The following FCRL5 variants were observed in gnomAD, a reference collection of about 807,000 sequenced individuals.
The protein encoded by FCRL5 is Fc receptor like 5, also known as Fc receptor-like protein 5.
In FCRL5, 79 loss-of-function variants were observed where a neutral mutation model predicts 92.1. The observed-to-expected ratio is 0.86, with a 90% CI of 0.72 to 1.03. The LOEUF (loss-of-function observed/expected upper bound fraction) is 1.03, where lower values mean the gene tolerates loss of function less well. Ranked by LOEUF, FCRL5 falls within the 50% of genes least tolerant of loss-of-function variation. The pLI is 0.00. For synonymous variants in FCRL5, 466 were observed against 469.3 expected (o/e 0.99, Z 0.09); for missense variants, 1,160 against 1,181.1 (o/e 0.98, Z 0.26).
chr1:157,515,420 A>G lies in FCRL5; in HGVS notation c.*255T>C, dbSNP rs1649874302. On this transcript the variant is annotated 3_prime_UTR_variant, in exon 17 of 17. Transcript: ENST00000361835. ...GCTGAAGCCCACTAAGGAATCCAGGAGATGTGCTGGGCCCTGGAGTGGGAG... is the reference window on the plus strand; with the variant it reads ...GCTGAAGCCCACTAAGGAATCCAGGGGATGTGCTGGGCCCTGGAGTGGGAG... The G allele has an allele frequency of 1.7e-6, 1 of 582,910 alleles. No homozygotes were observed. Among genetic ancestry groups the G allele is most frequent in the South Asian group, 2.0e-5 (1 of 50,136 alleles). 36.1% of individuals were successfully genotyped at this position (582,910 alleles called of 1,614,324 possible). A position where few individuals can be genotyped will look rare whatever the true frequency, so the allele number is the denominator to read the frequency against.
chr1:157,547,394 C>G, intron 2 of FCRL5, 197 bp from the exon 3 acceptor site: 2 of 770,460 alleles, frequency 2.6e-6, no homozygotes, highest in South Asian at 2.8e-5. Context: ...CAGGGGATGG[C>G]AATGAGCAAA....
In FCRL5 at chr1:157,521,290, G is replaced by A. The variant is rs778589860; in HGVS notation, c.2242C>T (p.Pro748Ser). The A allele has an allele frequency of 6.3e-7, 1 of 1,597,090 alleles. No homozygotes were observed. The highest frequency in any genetic ancestry group is 8.5e-7 in the Non-Finnish European group (1 of 1,173,436). The change falls in exon 11 of 17, where the codon CCG (proline) becomes TCG (serine). Residue 748 changes from proline to serine, a missense_variant and splice_region_variant. Pro to Ser is a moderately conservative substitution (Grantham distance 74, BLOSUM62 -1). Transcript: ENST00000361835. ...SEMVTLKVAV[P>S]VSRPVLTLRA... ...AGGGTGAGGACCGGGCGAGACACCG[G>A]AACTGAAAGAGAACAAAAAGTCAAC... is the stretch of plus-strand genomic sequence containing the variant.
chr1:157,533,802 C>G (rs2101621372), intron 8 of FCRL5: 1 of 152,848 alleles, frequency 6.5e-6, no homozygotes, highest in East Asian at 1.9e-4. Flanking sequence ...AGATTTGGCT[C>G]TGACTTTGGA....
At chr1:157,534,325 G>A (rs571176467) in intron 8 of FCRL5, 25 of 706,914 alleles carry the variant, frequency 3.5e-5, no homozygotes, top group African/African-American at 1.7e-4. Flanking sequence ...GACACGCTCC[G>A]TGCATCAAGA....
chr1:157,520,096 G>A lies in FCRL5; in HGVS notation c.2633-326C>T, dbSNP rs114097690. ...ATCGGAAAATTACTGAATCCTATCT[G>A]GTTTCTATTTTCATTTCTATTTCTC... On this transcript the variant is annotated intron_variant, in intron 12 of 16. Coordinates refer to ENST00000361835, the MANE Select transcript of FCRL5 (RefSeq NM_031281.3). 9.9e-3 allele frequency among the ~76,000 whole-genome samples: 1,504 copies of A among 152,174 alleles called. 25 individuals carry two copies. Among genetic ancestry groups the A allele is most frequent in the African/African-American group, 0.033 (1,363 of 41,492 alleles).
At position 157,539,369 on chromosome 1, in the gene FCRL5, G is replaced by A; in HGVS notation, c.1124-5C>T. 1 of 1,582,894 alleles carries A rather than the reference G, an allele frequency of 6.3e-7. No individual in the cohort carries two copies. The highest frequency in any genetic ancestry group is 8.6e-7 in the Non-Finnish European group (1 of 1,164,220). On this transcript the variant is annotated splice_region_variant and splice_polypyrimidine_tract_variant and intron_variant, in intron 6 of 16. Coordinates refer to ENST00000361835, the MANE Select transcript of FCRL5 (RefSeq NM_031281.3). ...GGACAGGATGAGACACGGGAACTGAGAGAGAGAAAAAATTAGTCAAGATTT... is the reference window on the plus strand; with the variant it reads ...GGACAGGATGAGACACGGGAACTGAAAGAGAGAAAAAATTAGTCAAGATTT...
intron 8 of FCRL5, chr1:157,528,419 C>T (rs1380355075): frequency 6.6e-6 from 1 of 152,112 alleles, no homozygotes; most frequent in Non-Finnish European, 1.5e-5. Flanking sequence ...ATGCAATTCC[C>T]ATCAAAATAC....
At chr1:157,544,174 C>T in intron 5 of FCRL5, 88 bp downstream of exon 5, 2 of 1,421,146 alleles carry the variant, frequency 1.4e-6, no homozygotes, top group Non-Finnish European at 2.0e-6. Flanking sequence ...GTTTTTTCTA[C>T]AGAGACTGGT....
chr1:157,544,247 T>G lies in FCRL5; in HGVS notation c.844+15A>C. On this transcript the variant is annotated intron_variant, in intron 5 of 16. Coordinates refer to ENST00000361835, the MANE Select transcript of FCRL5 (RefSeq NM_031281.3). ...GCCCTCTCTGCAGCAAATCTCAGGTTCCACCAACACTTACTCTGCACCTGT... is the reference window on the plus strand; with the variant it reads ...GCCCTCTCTGCAGCAAATCTCAGGTGCCACCAACACTTACTCTGCACCTGT... The G allele has an allele frequency of 1.2e-6, 2 of 1,610,654 alleles. No homozygotes were observed. The highest frequency in any genetic ancestry group is 2.2e-5 in the South Asian group (2 of 91,028).
chr1:157,521,261 C>T lies in FCRL5; in HGVS notation c.2271G>A (p.Arg757=). Reference sequence around the variant, plus strand: ...CCACCGCAGCATGGGTCCCGGGAGCCCTGAGGGTGAGGACCGGGCGAGACA... The same window carrying T: ...CCACCGCAGCATGGGTCCCGGGAGCTCTGAGGGTGAGGACCGGGCGAGACA... ...VPVSRPVLTL[R]APGTHAAVGD... is the part of the protein sequence containing the mutation. The change falls in exon 11 of 17, where the codon AGG becomes AGA. Residue 757 remains arginine (R), a synonymous_variant. Coordinates refer to ENST00000361835, the MANE Select transcript of FCRL5 (RefSeq NM_031281.3). 1 of 1,613,638 alleles carries T rather than the reference C, an allele frequency of 6.2e-7. No homozygotes were observed. The highest frequency in any genetic ancestry group is 8.5e-7 in the Non-Finnish European group (1 of 1,179,834).
In FCRL5 at chr1:157,520,601, C is replaced by G. The variant is rs561165835; in HGVS notation, c.2516-54G>C. On this transcript the variant is annotated intron_variant, in intron 11 of 16. Coordinates refer to ENST00000361835, the MANE Select transcript of FCRL5 (RefSeq NM_031281.3). The stretch of plus-strand genomic sequence containing the variant: ...GAGGAGAGGCTGTGGTCTGGAACTG[C>G]CCGCTCCCGGAAGCTGCTGCCTGGG... 250 of 1,403,188 alleles carry G rather than the reference C, an allele frequency of 1.8e-4. 1 individual carries two copies. In the African/African-American group the frequency reaches 3.3e-3, roughly 18 times the overall value. The allele number at this position is 1,403,188 out of a possible 1,614,324, so 86.9% of individuals were successfully genotyped here. A position where few individuals can be genotyped will look rare whatever the true frequency, so the allele number is the denominator to read the frequency against.
At chr1:157,526,613 A>G (rs1650439409) in intron 9 of FCRL5, among the ~76,000 whole-genome samples, 1 of 152,144 alleles carries the variant, frequency 6.6e-6, no homozygotes, top group South Asian at 2.1e-4. Context: ...CCAGATGGAG[A>G]TGTTCACCTA....
chr1:157,546,986 C>G lies in FCRL5; in HGVS notation c.264G>C (p.Gln88His). 1 of 1,614,148 alleles carries G rather than the reference C, an allele frequency of 6.2e-7. No individual in the cohort carries two copies. The highest frequency in any genetic ancestry group is 8.5e-7 in the Non-Finnish European group (1 of 1,180,014). Reference protein sequence around the residue: ...QESGEYRCQAQGSPLSSPVHL... With the variant: ...QESGEYRCQAHGSPLSSPVHL... ...GCACAGGGCTACTGAGAGGGGAGCC[C>G]TGGGCCTGGCATCTGTACTCTCCAG... is the stretch of plus-strand genomic sequence containing the variant. Residue 88 changes from glutamine to histidine, a missense_variant, in exon 3 of 17, where the codon CAG becomes CAC. Gln to His is a conservative substitution (Grantham distance 24). Coordinates refer to ENST00000361835, the MANE Select transcript of FCRL5 (RefSeq NM_031281.3).
At chr1:157,539,052 A>T in intron 7 of FCRL5, 34 bp downstream of exon 7, 3 of 1,602,752 alleles carry the variant, frequency 1.9e-6, no homozygotes, top group Non-Finnish European at 2.6e-6. Context: ...ACTCTTGGCC[A>T]GGGGTGGGTG....
chr1:157,526,618 C>T (rs758730839), intron 9 of FCRL5, among the ~76,000 whole-genome samples: 20 of 152,098 alleles, frequency 1.3e-4, no homozygotes, highest in Admixed American at 6.5e-4. Flanking sequence ...TGGAGATGTT[C>T]ACCTATGGGG....
At chr1:157,527,570 G>C in intron 9 of FCRL5, 47 bp downstream of exon 9, 1 of 1,524,432 alleles carries the variant, frequency 6.6e-7, no homozygotes, top group Non-Finnish European at 8.8e-7. Flanking sequence ...GGTAAAGTTA[G>C]GGGAGATGGT....
chr1:157,550,877 A>G (rs1261685400), intron 1 of FCRL5, among the ~76,000 whole-genome samples: 1 of 152,182 alleles, frequency 6.6e-6, no homozygotes, highest in East Asian at 1.9e-4. Flanking sequence ...TATTCAACAG[A>G]TTTTTGGAAT....
At position 157,552,424 on chromosome 1, in the gene FCRL5, T is replaced by G; in HGVS notation, c.-62A>C. ...AAGTTTCCTCAATTCCAAAACAGGT[T>G]TGGACTTGATCTTACAGTCAGGACA... On this transcript the variant is annotated 5_prime_UTR_variant, in exon 1 of 17. Transcript: ENST00000361835. The G allele has an allele frequency of 3.5e-5, 55 of 1,579,504 alleles. No individual in the cohort carries two copies. Among genetic ancestry groups the G allele is most frequent in the Non-Finnish European group, 4.5e-5 (52 of 1,148,730 alleles).
intron 4 of FCRL5, 85 bp from the exon 5 acceptor site, chr1:157,544,631 A>C: frequency 6.6e-7 from 1 of 1,513,456 alleles, no homozygotes; most frequent in African/African-American, 1.4e-5. Context: ...CAGCACATCC[A>C]AAAGCAGGCA....
Sources: gnomAD v4.1 joint callset for allele counts (sites outside exome capture counted in the v4.1 genomes callset) on GRCh38, gnomAD v4.1.1 for gene constraint, MANE v1.5 for transcripts, NCBI Gene and HGNC (gene_info 2026-07-23, HGNC 2026-07-21) for gene names.